CAMSAP2: variants seen among roughly 807,000 people sequenced by gnomAD.
CAMSAP2 encodes calmodulin regulated spectrin associated protein family member 2.
Under a neutral mutation model 146.1 loss-of-function variants are expected in CAMSAP2, and 26 were observed. The ratio of observed to expected loss-of-function variants is 0.18; its 90% CI spans 0.13 to 0.25. CAMSAP2 has a LOEUF of 0.25. Ranked by LOEUF, CAMSAP2 falls within the 10% of genes least tolerant of loss-of-function variation. CAMSAP2 has a pLI of 1.00. For missense variants in CAMSAP2, 1,381 were observed against 1,759.3 expected, an observed-to-expected ratio of 0.78 and a Z score of 3.85; for synonymous variants, 499 against 596.6, an observed-to-expected ratio of 0.84 and a Z score of 2.38.
chr1:200,746,705 G>A (rs1281164103), intron 1 of CAMSAP2, among the ~76,000 whole-genome samples: 2 of 149,706 alleles, frequency 1.3e-5, no homozygotes, highest in African/African-American at 2.5e-5. Context: ...TGCAAGCTCC[G>A]CCTCCCGGGT....
intron 2 of CAMSAP2, among the ~76,000 whole-genome samples, chr1:200,789,607 T>C (rs1010527936): frequency 1.3e-5 from 2 of 152,220 alleles, no homozygotes; most frequent in African/African-American, 4.8e-5. Flanking sequence ...GTTCTCTAAC[T>C]TTATTCTTCT....
chr1:200,784,763 A>G (rs1489991841), intron 2 of CAMSAP2, among the ~76,000 whole-genome samples: 1 of 152,194 alleles, frequency 6.6e-6, no homozygotes, highest in Non-Finnish European at 1.5e-5. Context: ...GCACTGCCAA[A>G]CACTAACAGT....
chr1:200,849,953 A>C lies in CAMSAP2; in HGVS notation c.3184A>C (p.Ile1062Leu). 6.2e-7 allele frequency: 1 copy of C among 1,614,142 alleles called. No individual in the cohort carries two copies. Among genetic ancestry groups the C allele is most frequent in the Non-Finnish European group, 8.5e-7 (1 of 1,180,014 alleles). Residue 1062 changes from isoleucine to leucine, a missense_variant, in exon 11 of 17, where the codon ATC (isoleucine) becomes CTC (leucine). Physicochemically the swap from Ile to Leu is conservative, Grantham distance 5. Around this residue, in one of 4 missense-constraint regions of CAMSAP2, gnomAD observed 560 missense variants for 715.9 expected, o/e 0.78. Transcript: ENST00000358823. The surrounding 1 kb of genome is among the most constrained non-coding windows in gnomAD (Gnocchi z 6.3). ...TGGACATAATCCAGAAGAAAAGGAA[A>C]TCAAACCTTTTGAGTCAACAGTCTC... ...QRGHNPEEKE[I>L]KPFESTVSEV... is the part of the protein sequence containing the mutation.
chr1:200,807,593 C>A, intron 3 of CAMSAP2, 56 bp downstream of exon 3: 4 of 1,214,120 alleles, frequency 3.3e-6, no homozygotes, highest in Non-Finnish European at 4.4e-6. Flanking sequence ...ACGTGAAATT[C>A]TAAATTATAC....
chr1:200,806,765 GTATCTATCTA>G lies in CAMSAP2; in HGVS notation c.400-609_400-600del, dbSNP rs201234977. Among the ~76,000 whole-genome samples, 260 of 140,218 alleles carry G rather than the reference GTATCTATCTA, an allele frequency of 1.9e-3. 2 individuals are homozygous for G. Among genetic ancestry groups the G allele is most frequent in the East Asian group, 9.6e-3 (45 of 4,686 alleles). 92.0% of individuals were successfully genotyped at this position (140,218 alleles called of 152,430 possible). ...TAATTGTGTGTGTGTGTGTGTGTGT[GTATCTATCTA>G]TCTATCTATCTATCTATCTATCTAT... On this transcript the variant is annotated intron_variant, in intron 2 of 16. Coordinates refer to ENST00000358823, the MANE Select transcript of CAMSAP2 (RefSeq NM_203459.4).
chr1:200,750,606 G>GAGAT (rs895609911), intron 1 of CAMSAP2, among the ~76,000 whole-genome samples: 4 of 149,928 alleles, frequency 2.7e-5, no homozygotes, highest in African/African-American at 9.8e-5. Context: ...TAGAGAGAAA[G>GAGAT]AGATAGATAG....
In CAMSAP2 at chr1:200,859,189, G is replaced by A. The variant is rs1214781999; in HGVS notation, c.*1130G>A. On this transcript the variant is annotated 3_prime_UTR_variant, in exon 17 of 17. Coordinates refer to ENST00000358823, the MANE Select transcript of CAMSAP2 (RefSeq NM_203459.4). Reference sequence around the variant, plus strand: ...TACATGATCTTTGTTCTTTAACAGTGTATACCAGAGGGTTAGTTGGGGAAA... The same window carrying A: ...TACATGATCTTTGTTCTTTAACAGTATATACCAGAGGGTTAGTTGGGGAAA... The A allele has an allele frequency of 2.0e-5, 3 of 152,560 alleles. No homozygotes were observed. Among genetic ancestry groups the A allele is most frequent in the Non-Finnish European group, 4.4e-5 (3 of 67,882 alleles). The allele number at this position is 152,560 out of a possible 1,614,324, so 9.5% of individuals were successfully genotyped here. A position where few individuals can be genotyped will look rare whatever the true frequency, so the allele number is the denominator to read the frequency against.
intron 8 of CAMSAP2, among the ~76,000 whole-genome samples, chr1:200,845,601 A>G (rs547261465): frequency 6.6e-6 from 1 of 152,302 alleles, no homozygotes; most frequent in African/African-American, 2.4e-5. Context: ...TGGGATTTTT[A>G]GTGTGGTAAT....
chr1:200,775,522 C>T (rs2047148), intron 2 of CAMSAP2, among the ~76,000 whole-genome samples: 43,710 of 151,730 alleles, frequency 0.29, 7,209 homozygotes, highest in Non-Finnish European at 0.39. Flanking sequence ...CATGAATATC[C>T]GAGGCTTTTT....
intron 2 of CAMSAP2, among the ~76,000 whole-genome samples, chr1:200,781,083 T>G (rs1665416095): frequency 6.6e-6 from 1 of 152,254 alleles, no homozygotes; most frequent in South Asian, 2.1e-4. Flanking sequence ...TAATTGGAGC[T>G]GTTACTGATG....
At chr1:200,820,291 A>G (rs1418593737) in intron 4 of CAMSAP2, among the ~76,000 whole-genome samples, 1 of 152,094 alleles carries the variant, frequency 6.6e-6, no homozygotes, top group African/African-American at 2.4e-5. Flanking sequence ...TCCCGACTTC[A>G]GGTGATCCCC....
chr1:200,761,147 T>C (rs992650789), intron 2 of CAMSAP2, 49 bp downstream of exon 2: 2 of 1,543,162 alleles, frequency 1.3e-6, no homozygotes, highest in South Asian at 1.1e-5. Context: ...GTGTGTACTT[T>C]TGAGTGTGAA....
chr1:200,839,011 G>A (rs1667251143), intron 6 of CAMSAP2, among the ~76,000 whole-genome samples: 3 of 152,126 alleles, frequency 2.0e-5, no homozygotes, highest in African/African-American at 2.4e-5. Context: ...TTGTAGGGAA[G>A]GTCACTATTT....
chr1:200,849,198 A>T lies in CAMSAP2; in HGVS notation c.2429A>T (p.Asp810Val), dbSNP rs762025103. The change falls in exon 11 of 17, where the codon GAT becomes GTT. Residue 810 changes from aspartate (D) to valine (V), a missense_variant. This residue lies in a region of CAMSAP2 where 560 missense variants were observed against 715.9 expected (regional missense o/e 0.78). Transcript: ENST00000358823. The surrounding 1 kb of genome is among the most constrained non-coding windows in gnomAD (Gnocchi z 6.3). Reference sequence around the variant, plus strand: ...CGAGAGGAAGCGGCGGGTGCAGAAGATGAGAAAGTATATACTGATCGAGCA... The same window carrying T: ...CGAGAGGAAGCGGCGGGTGCAGAAGTTGAGAAAGTATATACTGATCGAGCA... ...PLREEAAGAE[D>V]EKVYTDRAKE... 2 of 1,613,710 alleles carry T rather than the reference A, an allele frequency of 1.2e-6. No individual in the cohort carries two copies. Among genetic ancestry groups the T allele is most frequent in the Admixed American group, 1.7e-5 (1 of 59,964 alleles).
At chr1:200,780,993 G>A (rs745959610) in intron 2 of CAMSAP2, among the ~76,000 whole-genome samples, 3 of 152,148 alleles carry the variant, frequency 2.0e-5, no homozygotes, top group African/African-American at 4.8e-5. Context: ...TAAAACTAGC[G>A]CCATGAGGCA....
rs1667290295 is a variant in CAMSAP2 at position 200,840,285 on chromosome 1, T to C, written c.928-1709T>C. On this transcript the variant is annotated intron_variant, in intron 6 of 16. Transcript: ENST00000358823. ...CTTGATTCTTCTCTTTTCATCACTTTCTTTTTATTTTTTTTTAGAGACAGG... is the reference window on the plus strand; with the variant it reads ...CTTGATTCTTCTCTTTTCATCACTTCCTTTTTATTTTTTTTTAGAGACAGG... Among the ~76,000 whole-genome samples, 3 of 152,134 alleles carry C rather than the reference T, an allele frequency of 2.0e-5. No homozygotes were observed. In the South Asian group the frequency reaches 6.2e-4, roughly 31 times the overall value.
intron 1 of CAMSAP2, among the ~76,000 whole-genome samples, chr1:200,756,168 C>G (rs574329508): frequency 9.9e-5 from 15 of 152,062 alleles, no homozygotes; most frequent in Non-Finnish European, 2.1e-4. Context: ...AAGTAAATGG[C>G]TGGGCCGGGC....
At position 200,830,997 on chromosome 1, in the gene CAMSAP2, T is replaced by A. The variant is rs542914329; in HGVS notation, c.646-1203T>A. On this transcript the variant is annotated intron_variant, in intron 4 of 16. Coordinates refer to ENST00000358823, the MANE Select transcript of CAMSAP2 (RefSeq NM_203459.4). ...CTAACTTCACTACCAAATGTTGTGT[T>A]CTCTTTCAGTAAATTTTTATTTTTC... Among the ~76,000 whole-genome samples the A allele has an allele frequency of 5.4e-4, 82 of 152,334 alleles. No individual in the cohort carries two copies. In the Middle Eastern group the frequency reaches 0.02, roughly 38 times the overall value.
chr1:200,759,924 T>TA (rs1664755875), intron 1 of CAMSAP2, among the ~76,000 whole-genome samples: 1 of 152,150 alleles, frequency 6.6e-6, no homozygotes. Flanking sequence ...CAATGAGAAG[T>TA]ATTTTGTTTC....
Sources: gnomAD v4.1 joint callset for allele counts (sites outside exome capture counted in the v4.1 genomes callset) on GRCh38, gnomAD v4.1.1 for gene constraint, gnomAD v4.1.1 regional missense constraint, Gnocchi (gnomAD v3.1) non-coding constraint, MANE v1.5 for transcripts, NCBI Gene and HGNC (gene_info 2026-07-23, HGNC 2026-07-21) for gene names.